The following ZNF609 variants were observed in gnomAD, a reference collection of about 807,000 sequenced individuals.
ZNF609 encodes the protein zinc finger protein 609.
In ZNF609, 11 loss-of-function variants were observed where a neutral mutation model predicts 109.5. That is an observed-to-expected ratio of 0.10 (90% CI 0.06 to 0.17). The LOEUF (loss-of-function observed/expected upper bound fraction) is 0.17, where lower values mean the gene tolerates loss of function less well. ZNF609 is among the 10% of genes least tolerant of loss of function. ZNF609 has a pLI of 1.00. For synonymous variants in ZNF609, 646 were observed against 662.0 expected (o/e 0.98, Z 0.37); for missense variants, 1,559 against 1,772.4 (o/e 0.88, Z 2.16).
chr15:64,600,415 A>G (rs980966462), intron 2 of ZNF609, among the ~76,000 whole-genome samples: 1 of 140,160 alleles, frequency 7.1e-6, no homozygotes, highest in Non-Finnish European at 1.5e-5. Context: ...GCGCCACTGC[A>G]CTCCAGCCTG....
chr15:64,553,400 T>C (rs985962139), intron 2 of ZNF609, among the ~76,000 whole-genome samples: 2 of 152,026 alleles, frequency 1.3e-5, no homozygotes, highest in African/African-American at 4.8e-5. Context: ...TCTTTCATTT[T>C]AGGTCTTTAA....
At chr15:64,567,738 T>G (rs1289180841) in intron 2 of ZNF609, among the ~76,000 whole-genome samples, 1 of 151,776 alleles carries the variant, frequency 6.6e-6, no homozygotes, top group Non-Finnish European at 1.5e-5. Context: ...CTCGGCTCAC[T>G]GCGACCTCTG....
At chr15:64,669,572 T>A (rs1407811602) in intron 3 of ZNF609, among the ~76,000 whole-genome samples, 1 of 152,200 alleles carries the variant, frequency 6.6e-6, no homozygotes, top group East Asian at 1.9e-4. Flanking sequence ...CATTTTATAT[T>A]AGGGTTTGTT....
At chr15:64,493,159 C>T (rs1893437578) in intron 1 of ZNF609, among the ~76,000 whole-genome samples, 1 of 151,318 alleles carries the variant, frequency 6.6e-6, no homozygotes, top group Non-Finnish European at 1.5e-5. Context: ...CTCTTTGAAG[C>T]CTTCTTGGAT....
At position 64,598,742 on chromosome 15, in the gene ZNF609, GTATATATATATATA is replaced by G. The variant is rs1169879124; in HGVS notation, c.748-24053_748-24040del. Among the ~76,000 whole-genome samples the G allele has an allele frequency of 9.1e-3, 548 of 60,278 alleles. 8 individuals carry two copies. The highest frequency in any genetic ancestry group is 0.03 in the African/African-American group (458 of 15,320). 39.5% of individuals were successfully genotyped at this position (60,278 alleles called of 152,430 possible). A position where few individuals can be genotyped will look rare whatever the true frequency, so the allele number is the denominator to read the frequency against. Reference sequence around the variant, plus strand: ...CTGTCCATCATACATCTTTGTGTGTGTATATATATATATATATATATATATATATATATATATAT... The same window carrying G: ...CTGTCCATCATACATCTTTGTGTGTGTATATATATATATATATATATATAT... On this transcript the variant is annotated intron_variant, in intron 2 of 9. Coordinates refer to ENST00000326648, the MANE Select transcript of ZNF609 (RefSeq NM_015042.2).
intron 1 of ZNF609, among the ~76,000 whole-genome samples, chr15:64,486,770 C>T (rs1375428170): frequency 1.3e-5 from 2 of 152,004 alleles, no homozygotes; most frequent in Non-Finnish European, 2.9e-5. Flanking sequence ...CATGTGTCAC[C>T]ATGCGATGCT....
At chr15:64,606,268 G>C (rs891520385) in intron 2 of ZNF609, among the ~76,000 whole-genome samples, 1 of 151,030 alleles carries the variant, frequency 6.6e-6, no homozygotes, top group African/African-American at 2.4e-5. Context: ...ACCATGCCTG[G>C]CTAATGTTAA....
At chr15:64,548,671 A>G (rs1894407564) in intron 2 of ZNF609, among the ~76,000 whole-genome samples, 1 of 152,188 alleles carries the variant, frequency 6.6e-6, no homozygotes. Flanking sequence ...GGGAGGCTAA[A>G]GTAGGACTTG....
chr15:64,664,938 C>T (rs191936430), intron 3 of ZNF609, among the ~76,000 whole-genome samples: 2 of 152,328 alleles, frequency 1.3e-5, no homozygotes, highest in Non-Finnish European at 2.9e-5. Context: ...CTGTGTACAG[C>T]TGTGCTCATC....
chr15:64,531,488 T>C (rs989244757), intron 2 of ZNF609, among the ~76,000 whole-genome samples: 28 of 152,140 alleles, frequency 1.8e-4, no homozygotes, highest in Non-Finnish European at 3.7e-4. Flanking sequence ...ACTTCCGCCT[T>C]CTGGGTTCAA....
chr15:64,564,333 C>T (rs1480505891), intron 2 of ZNF609, among the ~76,000 whole-genome samples: 1 of 151,958 alleles, frequency 6.6e-6, no homozygotes, highest in Non-Finnish European at 1.5e-5. Flanking sequence ...CTGAATGGCT[C>T]AGAAGGGAGA....
chr15:64,495,601 A>C (rs1164420756), intron 1 of ZNF609, among the ~76,000 whole-genome samples: 1 of 151,940 alleles, frequency 6.6e-6, no homozygotes, highest in East Asian at 1.9e-4. Context: ...GGGTTTCGTC[A>C]TGCTGGCTAG....
chr15:64,634,477 G>C (rs1211472769), intron 3 of ZNF609, among the ~76,000 whole-genome samples: 1 of 152,056 alleles, frequency 6.6e-6, no homozygotes, highest in Non-Finnish European at 1.5e-5. Flanking sequence ...TGGTAACCTT[G>C]GTAGTTACTC....
chr15:64,645,447 A>G (rs945007465), intron 3 of ZNF609, among the ~76,000 whole-genome samples: 1 of 151,330 alleles, frequency 6.6e-6, no homozygotes, highest in Non-Finnish European at 1.5e-5. Context: ...TTTTTTTTTT[A>G]ATTTTTGAAA....
chr15:64,641,735 A>G (rs2140990741), intron 3 of ZNF609, among the ~76,000 whole-genome samples: 1 of 152,176 alleles, frequency 6.6e-6, no homozygotes, highest in Middle Eastern at 3.4e-3. Flanking sequence ...GATCAGAATA[A>G]CTGTGGGTGG....
At chr15:64,498,370 C>T (rs745320201) in intron 1 of ZNF609, among the ~76,000 whole-genome samples, 2 of 152,028 alleles carry the variant, frequency 1.3e-5, no homozygotes, top group African/African-American at 2.4e-5. Context: ...CTTTTAATAC[C>T]CCATCACCAC....
At chr15:64,638,163 AC>A (rs1274953240) in intron 3 of ZNF609, among the ~76,000 whole-genome samples, 1 of 151,576 alleles carries the variant, frequency 6.6e-6, no homozygotes, top group Non-Finnish European at 1.5e-5. Context: ...TATCAAAAAG[AC>A]CATCCTTTCC....
At chr15:64,470,520 A>G (rs1893078010) in intron 1 of ZNF609, 2 of 152,022 alleles carry the variant, frequency 1.3e-5, no homozygotes, top group Admixed American at 1.3e-4. Flanking sequence ...ATTTGCTTTC[A>G]AGCAGTTTTT....
chr15:64,611,275 C>T (rs183995416), intron 2 of ZNF609, among the ~76,000 whole-genome samples: 96 of 152,272 alleles, frequency 6.3e-4, no homozygotes, highest in African/African-American at 2.2e-3. Flanking sequence ...TCTATCATCA[C>T]TCATCAGCTG....
Sources: gnomAD v4.1 joint callset for allele counts (sites outside exome capture counted in the v4.1 genomes callset) on GRCh38, gnomAD v4.1.1 for gene constraint, MANE v1.5 for transcripts, NCBI Gene and HGNC (gene_info 2026-07-23, HGNC 2026-07-21) for gene names.